The following BCO1 variants were observed in gnomAD, a reference collection of about 807,000 sequenced individuals.
BCO1 encodes beta,beta-carotene 15,15'-dioxygenase.
In BCO1, 54 loss-of-function variants were observed where a neutral mutation model predicts 56.3. That is an observed-to-expected ratio of 0.96 (90% CI 0.77 to 1.20). BCO1 has a LOEUF of 1.20. Ranked by LOEUF, BCO1 falls within the 50% of genes most tolerant of loss-of-function variation. The probability of loss-of-function intolerance (pLI) is 0.00; values close to 1 mark genes in which losing one functional copy is unlikely to be tolerated. For synonymous variants in BCO1, 318 were observed against 266.1 expected (o/e 1.20, Z -1.90); for missense variants, 801 against 690.9 (o/e 1.16, Z -1.79).
intron 1 of BCO1, among the ~76,000 whole-genome samples, chr16:81,239,755 G>C (rs751155172): frequency 1.3e-5 from 2 of 152,128 alleles, no homozygotes; most frequent in African/African-American, 4.8e-5. Context: ...TATAGGAGTA[G>C]GACCTTCTAT....
chr16:81,259,584 C>A (rs1351790146), intron 2 of BCO1, 92 bp from the exon 3 acceptor site: 17 of 1,539,928 alleles, frequency 1.1e-5, no homozygotes, highest in Non-Finnish European at 1.5e-5. Context: ...TAACCACCTT[C>A]TTCTCCCAGT....
chr16:81,271,568 G>A (rs952876386), intron 7 of BCO1, among the ~76,000 whole-genome samples: 4 of 152,094 alleles, frequency 2.6e-5, no homozygotes, highest in Non-Finnish European at 5.9e-5. Flanking sequence ...CCTGCCCCAG[G>A]CAACCTGTCA....
In BCO1 at chr16:81,268,058, T is replaced by G. The variant is rs1906943478; in HGVS notation, c.770T>G (p.Ile257Ser). The change falls in exon 6 of 11, where the codon ATT becomes AGT. Residue 257 changes from isoleucine to serine, a missense_variant. Transcript: ENST00000258168. ...IFLEQPFRLD[I>S]LKMATAYIRR... is the part of the protein sequence containing the mutation. ...CTTGAGCAGCCTTTCAGGTTGGATA[T>G]TCTCAAGATGGCAACCGCATACATC... 1 of 1,613,194 alleles carries G rather than the reference T, an allele frequency of 6.2e-7. No individual in the cohort carries two copies.
intron 2 of BCO1, among the ~76,000 whole-genome samples, chr16:81,255,902 T>G (rs1231735608): frequency 6.6e-6 from 1 of 152,068 alleles, no homozygotes; most frequent in Non-Finnish European, 1.5e-5. Flanking sequence ...TTCGGCTCAC[T>G]GCAAGCTCCG....
chr16:81,284,317 G>GA (rs1384371277), intron 8 of BCO1, among the ~76,000 whole-genome samples: 2 of 146,612 alleles, frequency 1.4e-5, no homozygotes, highest in African/African-American at 5.0e-5. Context: ...CATTTACAGA[G>GA]AAAAAATAAT....
chr16:81,271,395 G>A (rs562644023), intron 7 of BCO1, among the ~76,000 whole-genome samples: 1 of 152,326 alleles, frequency 6.6e-6, no homozygotes, highest in South Asian at 2.1e-4. Context: ...GATTACAGGC[G>A]TGAGCCACCA....
In BCO1 at chr16:81,259,699, T is replaced by C; in HGVS notation, c.217T>C (p.Tyr73His). Reference sequence around the variant, plus strand: ...AGGTGAAGTCTATTACAGGAGCAAATACCTGAGAAGCGATACCTACAACAC... The same window carrying C: ...AGGTGAAGTCTATTACAGGAGCAAACACCTGAGAAGCGATACCTACAACAC... ...RDGEVYYRSK[Y>H]LRSDTYNTNI... Residue 73 changes from tyrosine to histidine, a missense_variant, in exon 3 of 11, where the codon TAC becomes CAC. Coordinates refer to ENST00000258168, the MANE Select transcript of BCO1 (RefSeq NM_017429.3). 6.2e-7 allele frequency: 1 copy of C among 1,614,144 alleles called. No individual in the cohort carries two copies. The highest frequency in any genetic ancestry group is 8.5e-7 in the Non-Finnish European group (1 of 1,180,020).
intron 1 of BCO1, among the ~76,000 whole-genome samples, chr16:81,244,362 C>A (rs911143465): frequency 6.6e-6 from 1 of 151,376 alleles, no homozygotes; most frequent in African/African-American, 2.4e-5. Context: ...TATATTTTAA[C>A]ACAACAAATC....
At chr16:81,277,194 A>G (rs1597371382) in intron 7 of BCO1, among the ~76,000 whole-genome samples, 1 of 151,760 alleles carries the variant, frequency 6.6e-6, no homozygotes, top group South Asian at 2.1e-4. Flanking sequence ...GCAGGGAGAG[A>G]GATGGTGTTG....
intron 7 of BCO1, among the ~76,000 whole-genome samples, chr16:81,275,172 T>C (rs1907477626): frequency 6.6e-6 from 1 of 152,242 alleles, no homozygotes; most frequent in African/African-American, 2.4e-5. Context: ...TTCAGGAAGA[T>C]GCTGCCCTTA....
intron 2 of BCO1, among the ~76,000 whole-genome samples, chr16:81,254,831 C>G (rs967644966): frequency 8.6e-5 from 13 of 151,958 alleles, no homozygotes; most frequent in Admixed American, 7.9e-4. Context: ...GGGTCTTGCT[C>G]TGTTGCCCAG....
chr16:81,249,176 C>T (rs933328976), intron 2 of BCO1, among the ~76,000 whole-genome samples: 3 of 151,522 alleles, frequency 2.0e-5, no homozygotes, highest in Non-Finnish European at 4.4e-5. Flanking sequence ...CTGCAACCTT[C>T]GCCTTCCAGG....
intron 2 of BCO1, among the ~76,000 whole-genome samples, chr16:81,254,295 A>ATTTTTTTT (rs57961725): frequency 1.8e-4 from 14 of 78,282 alleles, no homozygotes; most frequent in East Asian, 4.1e-4. Flanking sequence ...CGCCCGGCTA[A>ATTTTTTTT]TTTTTTTTTT....
intron 2 of BCO1, among the ~76,000 whole-genome samples, chr16:81,254,947 C>A (rs549192199): frequency 6.6e-6 from 1 of 152,250 alleles, no homozygotes; most frequent in African/African-American, 2.4e-5. Context: ...CCATACCCAT[C>A]TGATTTTTGT....
intron 4 of BCO1, chr16:81,264,178 G>A (rs1049949950): frequency 7.9e-6 from 2 of 252,464 alleles, no homozygotes; most frequent in African/African-American, 2.2e-5. Flanking sequence ...TTATGCTTCT[G>A]TGCAATGCAA....
intron 9 of BCO1, among the ~76,000 whole-genome samples, chr16:81,285,967 C>T (rs947699530): frequency 6.6e-6 from 1 of 152,128 alleles, no homozygotes; most frequent in Non-Finnish European, 1.5e-5. Flanking sequence ...AAGGAACTCA[C>T]CCTCTCCAGC....
intron 1 of BCO1, among the ~76,000 whole-genome samples, chr16:81,240,215 A>G (rs1362151416): frequency 6.6e-6 from 1 of 152,134 alleles, no homozygotes. Flanking sequence ...GGAAGGAAAT[A>G]AAATCAGCTG....
At chr16:81,281,342 A>G (rs1360669381) in intron 8 of BCO1, among the ~76,000 whole-genome samples, 1 of 152,188 alleles carries the variant, frequency 6.6e-6, no homozygotes, top group Non-Finnish European at 1.5e-5. Flanking sequence ...GCTACTCAGG[A>G]GGCTGAGGCA....
chr16:81,282,334 T>C (rs1907928496), intron 8 of BCO1, among the ~76,000 whole-genome samples: 1 of 152,108 alleles, frequency 6.6e-6, no homozygotes, highest in Non-Finnish European at 1.5e-5. Context: ...AGAGCTGAGA[T>C]TGCGCCACTG....
Sources: gnomAD v4.1 joint callset for allele counts (sites outside exome capture counted in the v4.1 genomes callset) on GRCh38, gnomAD v4.1.1 for gene constraint, MANE v1.5 for transcripts, NCBI Gene and HGNC (gene_info 2026-07-23, HGNC 2026-07-21) for gene names.